MRE11: variants seen among roughly 807,000 people sequenced by gnomAD.
MRE11 encodes double-strand break repair protein MRE11.
MRE11 carries 62 observed loss-of-function variants against 91.7 expected under a neutral mutation model. The ratio of observed to expected loss-of-function variants is 0.68; its 90% CI spans 0.55 to 0.84. MRE11 has a LOEUF of 0.84. MRE11 is among the 40% of genes least tolerant of loss of function. The probability of loss-of-function intolerance (pLI) is 0.00; values close to 1 mark genes in which losing one functional copy is unlikely to be tolerated. For synonymous variants in MRE11, 273 were observed against 271.4 expected (o/e 1.01, Z -0.06); for missense variants, 796 against 852.9 (o/e 0.93, Z 0.83).
chr11:94,443,917 A>T (rs995193798), intron 16 of MRE11, among the ~76,000 whole-genome samples: 12 of 134,512 alleles, frequency 8.9e-5, no homozygotes, highest in Non-Finnish European at 1.6e-4. Context: ...TCCTTCAACC[A>T]ATTTTTTTTT....
intron 12 of MRE11, 40 bp from the exon 13 acceptor site, chr11:94,459,621 T>C: frequency 6.3e-7 from 1 of 1,593,746 alleles, no homozygotes; most frequent in Middle Eastern, 1.7e-4. Context: ...ATAGTTTTTA[T>C]TCCTTACAAA....
In MRE11 at chr11:94,444,783, T is replaced by C. The variant is rs575007958; in HGVS notation, c.1867+1027A>G. ...AGAATTAGTTCAGCTCCCCAGTGTG[T>C]CAACAATTAATCCTAGCTATAAGAT... On this transcript the variant is annotated intron_variant, in intron 16 of 19. Transcript: ENST00000323929. Among the ~76,000 whole-genome samples, 7 of 152,158 alleles carry C rather than the reference T, an allele frequency of 4.6e-5. No individual in the cohort carries two copies. In the East Asian group the frequency reaches 1.4e-3, roughly 29 times the overall value.
At chr11:94,439,311 A>G (rs2134854732) in intron 16 of MRE11, among the ~76,000 whole-genome samples, 1 of 152,322 alleles carries the variant, frequency 6.6e-6, no homozygotes, top group East Asian at 1.9e-4. Flanking sequence ...CCAACCTGAT[A>G]AAAATGTTTC....
At chr11:94,486,995 T>C (rs1411779116) in intron 3 of MRE11, among the ~76,000 whole-genome samples, 1 of 152,144 alleles carries the variant, frequency 6.6e-6, no homozygotes, top group Non-Finnish European at 1.5e-5. Flanking sequence ...TTAATAAAAA[T>C]GTGAGGTTTA....
chr11:94,447,447 G>GAGAAGA lies in MRE11; in HGVS notation c.1564-15_1564-10dup, dbSNP rs761058908. On this transcript the variant is annotated splice_polypyrimidine_tract_variant and intron_variant, in intron 14 of 19. Transcript: ENST00000323929. ...CTGGCCCTGGTCATAGCCTAAGAGG[G>GAGAAGA]AGAAGAAGGAGAAAGTACACACAAT... 1.2e-6 allele frequency: 2 copies of GAGAAGA among 1,612,514 alleles called. No homozygotes were observed. Among genetic ancestry groups the GAGAAGA allele is most frequent in the Non-Finnish European group, 1.7e-6 (2 of 1,178,652 alleles).
chr11:94,457,843 TCA>T (rs936717552), intron 13 of MRE11, among the ~76,000 whole-genome samples: 2 of 149,184 alleles, frequency 1.3e-5, no homozygotes, highest in African/African-American at 5.0e-5. Context: ...CCACCATGAC[TCA>T]CACACACTCT....
chr11:94,428,186 G>A (rs1042274792), intron 19 of MRE11, among the ~76,000 whole-genome samples: 1 of 152,004 alleles, frequency 6.6e-6, no homozygotes, highest in African/African-American at 2.4e-5. Flanking sequence ...ACTGGTACAA[G>A]GACAGACACA....
At chr11:94,465,613 C>T (rs1946542170) in intron 10 of MRE11, among the ~76,000 whole-genome samples, 1 of 152,160 alleles carries the variant, frequency 6.6e-6, no homozygotes, top group South Asian at 2.1e-4. Context: ...CCAGGCTGGT[C>T]TCGAACTCCT....
chr11:94,461,125 G>A, intron 11 of MRE11, 89 bp from the exon 12 acceptor site: 2 of 1,154,762 alleles, frequency 1.7e-6, no homozygotes, highest in Non-Finnish European at 2.5e-6. Context: ...GAGAAGGTAA[G>A]GCCAAACTTT....
the MRE11 span, among the ~76,000 whole-genome samples, chr11:94,504,043 C>T: frequency 6.6e-6 from 1 of 152,116 alleles, no homozygotes; most frequent in African/African-American, 2.4e-5. Flanking sequence ...TTGGAAAAAA[C>T]ATGAACTCAT....
intron 19 of MRE11, among the ~76,000 whole-genome samples, chr11:94,428,565 G>A (rs1488050876): frequency 6.6e-6 from 1 of 152,102 alleles, no homozygotes; most frequent in African/African-American, 2.4e-5. Flanking sequence ...AAGAGCTTCT[G>A]CACAGTAAAA....
rs138177099 is a variant in MRE11, at chr11:94,453,137, T to C, written c.1563+3139A>G. Among the ~76,000 whole-genome samples the C allele has an allele frequency of 3.0e-3, 461 of 152,274 alleles. 3 individuals carry two copies. The highest frequency in any genetic ancestry group is 0.011 in the African/African-American group (439 of 41,552). On this transcript the variant is annotated intron_variant, in intron 14 of 19. Transcript: ENST00000323929. The stretch of plus-strand genomic sequence containing the variant: ...CATAATGTTTTCAGAGTTTCATCCA[T>C]ATTGTAGCATGTATCAGAATGTCAT...
At chr11:94,509,848 C>T in the MRE11 span, among the ~76,000 whole-genome samples, 1 of 152,208 alleles carries the variant, frequency 6.6e-6, no homozygotes, top group Non-Finnish European at 1.5e-5. Flanking sequence ...AACAACCTTG[C>T]ATTCCTGCAA....
Position 94,447,343 on chromosome 11 carries a change from C to T in MRE11, c.1659G>A (p.Gln553=). 6.2e-7 allele frequency: 1 copy of T among 1,614,134 alleles called. No individual in the cohort carries two copies. ...DDLMSIDLAE[Q]MANDSDDSIS... ...TGCTATCATCAGAGTCATTAGCCAT[C>T]TGTTCTGCTAAATCTATACTCATAA... The change falls in exon 15 of 20, where the codon CAG becomes CAA. Residue 553 remains glutamine, a synonymous_variant. Transcript: ENST00000323929.
At chr11:94,428,912 C>T (rs965241160) in intron 19 of MRE11, among the ~76,000 whole-genome samples, 1 of 150,934 alleles carries the variant, frequency 6.6e-6, no homozygotes, top group Non-Finnish European at 1.5e-5. Context: ...AAAAAGCCTA[C>T]AGAATGGGAG....
chr11:94,489,798 C>T (rs1947239039), intron 3 of MRE11, among the ~76,000 whole-genome samples: 1 of 152,150 alleles, frequency 6.6e-6, no homozygotes, highest in Admixed American at 6.5e-5. Context: ...CCTGAATGTC[C>T]CATTGCAGTC....
In MRE11 at chr11:94,490,913, A is replaced by G. The variant is rs145218439; in HGVS notation, c.73T>C (p.Phe25Leu). ...CCTCTGACTGCATCTTTCTCCATAA[A>G]TCCAAGATGAATATCTGTTGCAACT... ...ILVATDIHLG[F>L]MEKDAVRGND... Residue 25 changes from phenylalanine (F) to leucine (L), a missense_variant, in exon 3 of 20, where the codon TTT becomes CTT. By Grantham distance (22) the Phe-to-Leu change is conservative. Transcript: ENST00000323929. 3.2e-6 allele frequency: 5 copies of G among 1,585,476 alleles called. No individual in the cohort carries two copies. In the African/African-American group the frequency reaches 5.4e-5, roughly 17 times the overall value.
rs587782042 is a variant in MRE11, at chr11:94,470,583, T to C, written c.905A>G (p.His302Arg). The stretch of plus-strand genomic sequence containing the variant: ...CTCCATGAAAAACTGCCGCACTGTG[T>C]GAAGAGGAATTTTATGCATATTCAT... ...RKMNMHKIPL[H>R]TVRQFFMEDI... The change falls in exon 9 of 20, where the codon CAC (histidine) becomes CGC (arginine). Residue 302 changes from histidine to arginine, a missense_variant. Physicochemically the swap from His to Arg is conservative, Grantham distance 29 (BLOSUM62 0). Coordinates refer to ENST00000323929, the MANE Select transcript of MRE11 (RefSeq NM_005591.4). 9 of 1,613,274 alleles carry C rather than the reference T, an allele frequency of 5.6e-6. No homozygotes were observed. The highest frequency in any genetic ancestry group is 5.9e-6 in the Non-Finnish European group (7 of 1,179,460).
chr11:94,489,312 T>C (rs1364273054), intron 3 of MRE11, among the ~76,000 whole-genome samples: 1 of 151,348 alleles, frequency 6.6e-6, no homozygotes, highest in Non-Finnish European at 1.5e-5. Context: ...GAGTAGAACA[T>C]GCCGGTGTGG....
Sources: allele counts gnomAD v4.1 joint callset (sites outside exome capture counted in the v4.1 genomes callset), GRCh38; gene constraint gnomAD v4.1.1; transcripts MANE v1.5; gene names NCBI Gene and HGNC (gene_info 2026-07-23, HGNC 2026-07-21).